TRHDE: variants seen among roughly 807,000 people sequenced by gnomAD.
The protein encoded by TRHDE is thyrotropin releasing hormone degrading enzyme, also known as thyrotropin-releasing hormone-degrading ectoenzyme.
In TRHDE, 72 loss-of-function variants were observed where a neutral mutation model predicts 125.7. That is an observed-to-expected ratio of 0.57 (90% CI 0.47 to 0.70). The LOEUF (loss-of-function observed/expected upper bound fraction) is 0.70, where lower values mean the gene tolerates loss of function less well. TRHDE is among the 30% of genes least tolerant of loss of function. The pLI is 0.00. For synonymous variants in TRHDE, 509 were observed against 509.1 expected (o/e 1.00, Z 0.00); for missense variants, 1,110 against 1,327.1 (o/e 0.84, Z 2.54).
At chr12:72,590,753 A>T (rs1011337047) in intron 12 of TRHDE, among the ~76,000 whole-genome samples, 1 of 152,144 alleles carries the variant, frequency 6.6e-6, no homozygotes, top group Non-Finnish European at 1.5e-5. Context: ...AATTTAAAAA[A>T]TTTTTATTCT....
At chr12:72,524,044 C>A (rs1047321021) in intron 6 of TRHDE, among the ~76,000 whole-genome samples, 1 of 152,162 alleles carries the variant, frequency 6.6e-6, no homozygotes, top group Non-Finnish European at 1.5e-5. Context: ...TCTCCATTAT[C>A]CTCTGCTGTG....
intron 3 of TRHDE, among the ~76,000 whole-genome samples, chr12:72,382,055 C>G (rs187948048): frequency 6.6e-5 from 10 of 152,186 alleles, no homozygotes. Context: ...GGGACTGGTC[C>G]CATGCTCAGA....
chr12:72,152,686 G>A (rs892368906), intron 2 of TRHDE, among the ~76,000 whole-genome samples: 9 of 152,194 alleles, frequency 5.9e-5, no homozygotes, highest in East Asian at 5.8e-4. Context: ...CTGTTTATAC[G>A]CTGGATTACG....
chr12:72,597,657 G>T (rs1871999836), intron 12 of TRHDE, among the ~76,000 whole-genome samples: 1 of 112,924 alleles, frequency 8.9e-6, no homozygotes, highest in Non-Finnish European at 1.7e-5. Context: ...GCCAGAGCAA[G>T]ACCTTGTCTA....
At chr12:72,537,407 G>C (rs1826204) in intron 6 of TRHDE, among the ~76,000 whole-genome samples, 2 of 152,026 alleles carry the variant, frequency 1.3e-5, no homozygotes, top group Non-Finnish European at 2.9e-5. Flanking sequence ...GATAGTAATC[G>C]AATTCACATG....
intron 2 of TRHDE, among the ~76,000 whole-genome samples, chr12:72,224,091 C>CATCCATCTATCT (rs1878057546): frequency 1.4e-4 from 7 of 50,280 alleles, no homozygotes; most frequent in Admixed American, 8.7e-4. Flanking sequence ...TCTATCTATC[C>CATCCATCTATCT]ATCTATCTAT....
chr12:72,562,528 T>C (rs1159269055), intron 8 of TRHDE, among the ~76,000 whole-genome samples: 1 of 152,006 alleles, frequency 6.6e-6, no homozygotes, highest in Non-Finnish European at 1.5e-5. Context: ...TTTTAAATAA[T>C]TTTTTCTATA....
chr12:72,597,666 T>TAAA (rs758942039), intron 12 of TRHDE, among the ~76,000 whole-genome samples: 11 of 75,658 alleles, frequency 1.5e-4, no homozygotes, highest in Admixed American at 3.3e-4. Context: ...AGACCTTGTC[T>TAAA]AAAAAAAAAA....
intron 3 of TRHDE, chr12:72,431,992 A>G (rs1874506910): frequency 5.6e-6 from 1 of 177,342 alleles, no homozygotes; most frequent in Non-Finnish European, 1.2e-5. Flanking sequence ...CCTCCCATAG[A>G]GGGTTCACTT....
At chr12:72,259,509 A>T (rs1436222554) in intron 2 of TRHDE, among the ~76,000 whole-genome samples, 1 of 152,168 alleles carries the variant, frequency 6.6e-6, no homozygotes, top group African/African-American at 2.4e-5. Context: ...AAACTTGCTC[A>T]TTGCTGCTCA....
At chr12:72,542,113 A>G (rs1869179388) in intron 6 of TRHDE, among the ~76,000 whole-genome samples, 178 bp from the exon 7 acceptor site, 2 of 151,382 alleles carry the variant, frequency 1.3e-5, no homozygotes, top group Admixed American at 1.3e-4. Flanking sequence ...AAAATTCACA[A>G]GACCAAAAAA....
At chr12:72,333,451 A>G (rs1476593316) in intron 2 of TRHDE, among the ~76,000 whole-genome samples, 1 of 152,230 alleles carries the variant, frequency 6.6e-6, no homozygotes, top group East Asian at 1.9e-4. Context: ...CTAATTTTAG[A>G]AAAGGTGTTT....
intron 1 of TRHDE, among the ~76,000 whole-genome samples, chr12:72,098,204 A>G (rs1483361750): frequency 6.6e-6 from 1 of 152,064 alleles, no homozygotes; most frequent in Non-Finnish European, 1.5e-5. Context: ...TTATGATGAG[A>G]TTCTTTATGG....
At chr12:72,470,863 CTTTTTTTTTTTTTTTTT>C (rs768937293) in intron 4 of TRHDE, among the ~76,000 whole-genome samples, 141 of 67,944 alleles carry the variant, frequency 2.1e-3, no homozygotes, top group African/African-American at 7.9e-3. Context: ...TAAATGTCAG[CTTTTTTTTTTTTTTTTT>C]TTTTTTTTTT....
At chr12:72,602,098 G>A (rs1019521937) in intron 12 of TRHDE, among the ~76,000 whole-genome samples, 3 of 152,056 alleles carry the variant, frequency 2.0e-5, no homozygotes, top group Admixed American at 1.3e-4. Context: ...CTGAAGGACC[G>A]TTTTTTGTTT....
rs138697969 is a variant in TRHDE, at chr12:72,120,928, T to C, written n.279+15176T>C. On this transcript the variant is annotated intron_variant and non_coding_transcript_variant, in intron 2 of 4. Transcript: ENST00000548156. ...CTCCTGATCTCGTGGTCTGCCCCAC[T>C]CAGCCTCCCAAAGTGCTGGGATTAA... 6.4e-4 allele frequency among the ~76,000 whole-genome samples: 98 copies of C among 152,174 alleles called. No individual in the cohort carries two copies. In the East Asian group the frequency reaches 0.017, roughly 27 times the overall value.
At chr12:72,414,115 A>G (rs754917854) in intron 3 of TRHDE, among the ~76,000 whole-genome samples, 10 of 152,122 alleles carry the variant, frequency 6.6e-5, no homozygotes, top group African/African-American at 9.6e-5. Flanking sequence ...TTTTACTTCT[A>G]CAAATGGATT....
chr12:72,626,912 C>T (rs372353963), intron 15 of TRHDE, among the ~76,000 whole-genome samples: 65 of 151,954 alleles, frequency 4.3e-4, no homozygotes, highest in African/African-American at 1.5e-3. Flanking sequence ...TTGGTGTGGT[C>T]CTATTTCCTC....
At chr12:72,362,390 G>A (rs1298722346) in intron 2 of TRHDE, among the ~76,000 whole-genome samples, 2 of 149,832 alleles carry the variant, frequency 1.3e-5, no homozygotes, top group African/African-American at 4.9e-5. Flanking sequence ...CATGTCCTTT[G>A]CCCACTTTTT....
Sources: allele counts gnomAD v4.1 joint callset (sites outside exome capture counted in the v4.1 genomes callset), GRCh38; gene constraint gnomAD v4.1.1; transcripts MANE v1.5; gene names NCBI Gene and HGNC (gene_info 2026-07-23, HGNC 2026-07-21).